ACAD9: variants seen among roughly 807,000 people sequenced by gnomAD.
ACAD9 encodes the protein complex I assembly factor ACAD9, mitochondrial.
ACAD9 carries 53 observed loss-of-function variants against 70.2 expected under a neutral mutation model. The observed-to-expected ratio is 0.75, with a 90% confidence interval of 0.61 to 0.95. The LOEUF is 0.95. Ranked by LOEUF, ACAD9 falls within the 40% of genes least tolerant of loss-of-function variation. The probability of loss-of-function intolerance (pLI) is 0.00; values close to 1 mark genes in which losing one functional copy is unlikely to be tolerated. For missense variants in ACAD9, 777 were observed against 802.8 expected (o/e 0.97, Z 0.39); for synonymous variants, 313 against 312.1 (o/e 1.00, Z -0.03).
intron 13 of ACAD9, 27 bp from the exon 14 acceptor site, chr3:128,908,946 A>G: frequency 6.2e-7 from 1 of 1,613,968 alleles, no homozygotes; most frequent in South Asian, 1.1e-5. Flanking sequence ...CGAGGCCTCC[A>G]GTCACAGGAC....
chr3:128,897,781 CCACA>C, intron 6 of ACAD9, 71 bp downstream of exon 6: 1 of 1,356,106 alleles, frequency 7.4e-7, no homozygotes, highest in East Asian at 2.4e-5. Flanking sequence ...TGAGCACTCT[CCACA>C]CACCAGGGAT....
intron 1 of ACAD9, among the ~76,000 whole-genome samples, chr3:128,882,722 C>G (rs1452543940): frequency 6.6e-6 from 1 of 152,232 alleles, no homozygotes; most frequent in Non-Finnish European, 1.5e-5. Flanking sequence ...GTCTGTTTTA[C>G]ATATTTGGTT....
rs571234558 is a variant in ACAD9 at position 128,904,218 on chromosome 3, C to A, written c.1029+86C>A. The A allele has an allele frequency of 5.7e-4, 902 of 1,583,176 alleles. 14 individuals carry two copies. The South Asian group carries it at 9.6e-3, about 17-fold the overall frequency. On this transcript the variant is annotated intron_variant, in intron 10 of 17. Coordinates refer to ENST00000308982, the MANE Select transcript of ACAD9 (RefSeq NM_014049.5). ...TTTGATGTCTCTGTACTGGTGACTT[C>A]TGTGGTGATTTGGGAAGAAGACTAG...
At chr3:128,906,038 G>GTGCCTCCCA in intron 11 of ACAD9, 83 bp from the exon 12 acceptor site, 1 of 1,599,036 alleles carries the variant, frequency 6.3e-7, no homozygotes, top group South Asian at 1.1e-5. Context: ...CCAAGCCCGT[G>GTGCCTCCCA]TGCCTCCCAT....
intron 17 of ACAD9, 55 bp from the exon 18 acceptor site, chr3:128,912,452 T>C: frequency 6.5e-7 from 1 of 1,530,444 alleles, no homozygotes; most frequent in South Asian, 1.1e-5. Flanking sequence ...TTCAGCCATG[T>C]TTGTCTTATC....
chr3:128,893,433 C>G, intron 2 of ACAD9, 122 bp from the exon 3 acceptor site: 1 of 789,142 alleles, frequency 1.3e-6, no homozygotes. Flanking sequence ...TACAGAATTT[C>G]TAGTTTTGAA....
Position 128,912,998 on chromosome 3 carries a change from A to G in ACAD9, c.*391A>G, listed in dbSNP as rs1428521150. 2.2e-6 allele frequency: 1 copy of G among 462,512 alleles called. No homozygotes were observed. Among genetic ancestry groups the G allele is most frequent in the South Asian group, 1.5e-5 (1 of 64,610 alleles). The allele number at this position is 462,512 out of a possible 1,614,324, so 28.7% of individuals were successfully genotyped here. A position where few individuals can be genotyped will look rare whatever the true frequency, so the allele number is the denominator to read the frequency against. ...TCTGCTCAACCACACATTCTCTAAG[A>G]AACAGCTTGAAAGCTCTGTCTGGGT... On this transcript the variant is annotated 3_prime_UTR_variant, in exon 18 of 18. Transcript: ENST00000308982.
intron 11 of ACAD9, among the ~76,000 whole-genome samples, chr3:128,905,898 A>G (rs1299698564): frequency 6.6e-6 from 1 of 152,150 alleles, no homozygotes; most frequent in Admixed American, 6.6e-5. Context: ...AGGTGCAGAT[A>G]GGGTGAAGGC....
intron 15 of ACAD9, 195 bp from the exon 16 acceptor site, chr3:128,909,826 C>A: frequency 1.3e-6 from 1 of 774,002 alleles, no homozygotes; most frequent in Non-Finnish European, 2.1e-6. Context: ...CTCCCTGAAT[C>A]TAGAGCTCAA....
intron 3 of ACAD9, 115 bp downstream of exon 3, chr3:128,893,771 G>A: frequency 1.1e-6 from 1 of 876,878 alleles, no homozygotes; most frequent in Non-Finnish European, 1.9e-6. Context: ...GGGCTACTTG[G>A]TAGGGGTGGA....
rs1349648805 is a variant in ACAD9 at position 128,902,426 on chromosome 3, G to A, written c.883-127G>A. ...AACAGTGACTGAACCACCTTGTTCT[G>A]AGGCATTAGGATGGTGCTTTCTCCC... On this transcript the variant is annotated intron_variant, in intron 8 of 17. Coordinates refer to ENST00000308982, the MANE Select transcript of ACAD9 (RefSeq NM_014049.5). The surrounding 1 kb of genome is among the most constrained non-coding windows in gnomAD (Gnocchi z 4.0). The A allele has an allele frequency of 2.4e-6, 2 of 848,222 alleles. No homozygotes were observed. The highest frequency in any genetic ancestry group is 3.3e-5 in the African/African-American group (2 of 60,254). 52.5% of individuals were successfully genotyped at this position (848,222 alleles called of 1,614,324 possible).
At chr3:128,882,701 C>T (rs904610214) in intron 1 of ACAD9, among the ~76,000 whole-genome samples, 3 of 152,296 alleles carry the variant, frequency 2.0e-5, no homozygotes, top group Middle Eastern at 3.4e-3. Context: ...CAGTCAGAGC[C>T]GCCTGCTTCT....
At chr3:128,908,598 C>A in intron 13 of ACAD9, 1 of 548,178 alleles carries the variant, frequency 1.8e-6, no homozygotes, top group African/African-American at 1.9e-5. Flanking sequence ...CCAACATAAG[C>A]CAGTGTTTCT....
chr3:128,908,287 G>A, intron 13 of ACAD9, 23 bp downstream of exon 13: 1 of 1,613,812 alleles, frequency 6.2e-7, no homozygotes, highest in Non-Finnish European at 8.5e-7. Flanking sequence ...GTCACCGTGT[G>A]CTTCTCAGGT....
chr3:128,899,411 G>A lies in ACAD9; in HGVS notation c.758G>A (p.Gly253Glu). 1 of 1,614,248 alleles carries A rather than the reference G, an allele frequency of 6.2e-7. No individual in the cohort carries two copies. Among genetic ancestry groups the A allele is most frequent in the Non-Finnish European group, 8.5e-7 (1 of 1,180,054 alleles). The part of the protein sequence containing the change: ...TAFIVERDFG[G>E]VTNGKPEDKL... ...TTCATAGTAGAAAGAGACTTTGGTGGAGTCACTAATGGGAAACCCGAAGAT... is the reference window on the plus strand; with the variant it reads ...TTCATAGTAGAAAGAGACTTTGGTGAAGTCACTAATGGGAAACCCGAAGAT... Residue 253 changes from glycine to glutamate, a missense_variant, in exon 7 of 18, where the codon GGA (glycine) becomes GAA (glutamate). By Grantham distance (98) the Gly-to-Glu change is moderately conservative (BLOSUM62 -2). Transcript: ENST00000308982.
intron 2 of ACAD9, among the ~76,000 whole-genome samples, chr3:128,888,470 T>A (rs1417532549): frequency 6.6e-6 from 1 of 151,948 alleles, no homozygotes; most frequent in African/African-American, 2.4e-5. Flanking sequence ...TCCCAGCTAC[T>A]GGGGAGGCCG....
chr3:128,883,615 C>G (rs1277763429), intron 1 of ACAD9, among the ~76,000 whole-genome samples: 1 of 151,984 alleles, frequency 6.6e-6, no homozygotes, highest in Non-Finnish European at 1.5e-5. Context: ...CTCGGCCTCC[C>G]AAAGTGCTGG....
At chr3:128,906,573 C>T (rs1309187389) in intron 12 of ACAD9, among the ~76,000 whole-genome samples, 2 of 152,194 alleles carry the variant, frequency 1.3e-5, no homozygotes, top group African/African-American at 2.4e-5. Flanking sequence ...AGCGGGCATC[C>T]TCCAGAGGCA....
At chr3:128,900,970 G>A (rs1176963998) in intron 7 of ACAD9, among the ~76,000 whole-genome samples, 1 of 152,116 alleles carries the variant, frequency 6.6e-6, no homozygotes, top group African/African-American at 2.4e-5. Context: ...CCTTAGAAAA[G>A]TCTGACATAG....
Sources: gnomAD v4.1 joint callset for allele counts (sites outside exome capture counted in the v4.1 genomes callset) on GRCh38, gnomAD v4.1.1 for gene constraint, Gnocchi (gnomAD v3.1) non-coding constraint, MANE v1.5 for transcripts, NCBI Gene and HGNC (gene_info 2026-07-23, HGNC 2026-07-21) for gene names.